PIEZO2: variants seen among roughly 807,000 people sequenced by gnomAD.
PIEZO2 encodes the protein piezo type mechanosensitive ion channel component 2, also known as piezo-type mechanosensitive ion channel component 2.
PIEZO2 carries 172 observed loss-of-function variants against 337.3 expected under a neutral mutation model. The observed-to-expected ratio is 0.51, with a 90% CI of 0.45 to 0.58. The LOEUF (loss-of-function observed/expected upper bound fraction) is 0.58. PIEZO2 is among the 20% of genes least tolerant of loss of function. The pLI, the probability that PIEZO2 is intolerant of heterozygous loss-of-function variation, is 0.00. For synonymous variants in PIEZO2, 1,251 were observed against 1,228.5 expected (o/e 1.02, Z -0.38); for missense variants, 3,028 against 3,391.3 (o/e 0.89, Z 2.66).
intron 1 of PIEZO2, among the ~76,000 whole-genome samples, chr18:11,100,437 A>T (rs1024936926): frequency 8.5e-5 from 13 of 152,236 alleles, no homozygotes; most frequent in African/African-American, 3.1e-4. Flanking sequence ...AAGATCTAAC[A>T]GGCTGGAACT....
At chr18:10,721,650 C>A (rs2036315689) in intron 36 of PIEZO2, among the ~76,000 whole-genome samples, 1 of 151,888 alleles carries the variant, frequency 6.6e-6, no homozygotes, top group Non-Finnish European at 1.5e-5. Flanking sequence ...CTAGACTCAA[C>A]AGTATGTGGC....
rs188372054 is a variant in PIEZO2 at position 10,962,061 on chromosome 18, C to T, written c.286+17474G>A. On this transcript the variant is annotated intron_variant, in intron 3 of 55. Transcript: ENST00000674853. This position sits in a 1 kb window ranked among gnomAD's most constrained non-coding sequence, Gnocchi z 4.1. The stretch of plus-strand genomic sequence containing the variant: ...AGAAATGCACCACTGATTCTCGCAA[C>T]GTTCAGTTTTTTTTTCCAAGCAGAC... Among the ~76,000 whole-genome samples, 5 of 151,538 alleles carry T rather than the reference C, an allele frequency of 3.3e-5. No homozygotes were observed. The highest frequency in any genetic ancestry group is 9.8e-5 in the African/African-American group (4 of 40,928).
chr18:10,886,487 C>CATAT, intron 4 of PIEZO2, among the ~76,000 whole-genome samples: 4 of 45,882 alleles, frequency 8.7e-5, no homozygotes, highest in Middle Eastern at 0.015. Flanking sequence ...ATATCCAAAC[C>CATAT]ATATATATAT....
intron 4 of PIEZO2, among the ~76,000 whole-genome samples, chr18:10,901,667 T>C (rs1345569472): frequency 1.3e-5 from 2 of 152,172 alleles, no homozygotes; most frequent in Non-Finnish European, 2.9e-5. Context: ...CTTTAGAGCA[T>C]TGTGGAGTTT....
intron 18 of PIEZO2, 132 bp from the exon 19 acceptor site, chr18:10,774,170 C>G: frequency 1.5e-6 from 1 of 649,474 alleles, no homozygotes; most frequent in Non-Finnish European, 2.8e-6. Context: ...TGCAGTAACG[C>G]CCTAATGCCA....
rs1045706596 is a variant in PIEZO2, at chr18:11,110,707, C to A, written c.64+37818G>T. 1.3e-5 allele frequency among the ~76,000 whole-genome samples: 2 copies of A among 149,042 alleles called. No homozygotes were observed. Among genetic ancestry groups the A allele is most frequent in the African/African-American group, 5.0e-5 (2 of 40,346 alleles). ...TCCTTTCCGCCCCTCCCCGCCCCGG[C>A]CCGCCCGCCCCGGGTCTTGTGCTTC... On this transcript the variant is annotated intron_variant, in intron 1 of 55. Transcript: ENST00000674853. This position sits in a 1 kb window ranked among gnomAD's most constrained non-coding sequence, Gnocchi z 4.2.
chr18:10,802,571 G>A (rs1019992705), intron 9 of PIEZO2, among the ~76,000 whole-genome samples: 3 of 152,060 alleles, frequency 2.0e-5, no homozygotes, highest in East Asian at 1.9e-4. Flanking sequence ...AAAGACAACC[G>A]GATTTTCACA....
chr18:10,854,039 C>G lies in PIEZO2; in HGVS notation c.917+1314G>C, dbSNP rs1217038440. On this transcript the variant is annotated intron_variant, in intron 7 of 55. Coordinates refer to ENST00000674853, the MANE Select transcript of PIEZO2 (RefSeq NM_001378183.1). This position sits in a 1 kb window ranked among gnomAD's most constrained non-coding sequence, Gnocchi z 4.6. The stretch of plus-strand genomic sequence containing the variant: ...CTGAACTAGACAGTTGCTGCCTCCA[C>G]TCTCTATGCAGGCCTCTTTTCCATG... Among the ~76,000 whole-genome samples, 1 of 152,142 alleles carries G rather than the reference C, an allele frequency of 6.6e-6. No homozygotes were observed. The highest frequency in any genetic ancestry group is 1.5e-5 in the Non-Finnish European group (1 of 68,014).
intron 4 of PIEZO2, among the ~76,000 whole-genome samples, chr18:10,910,127 A>G (rs770431801): frequency 6.6e-6 from 1 of 152,228 alleles, no homozygotes; most frequent in East Asian, 1.9e-4. Flanking sequence ...ATATGGTAAA[A>G]AGAACTAGTC....
chr18:10,738,363 A>C (rs1391601893), intron 33 of PIEZO2: 2 of 152,224 alleles, frequency 1.3e-5, no homozygotes, highest in African/African-American at 4.8e-5. Flanking sequence ...TACCTTCGAT[A>C]ACTTTTATTC....
chr18:10,933,139 A>G (rs2032189666), intron 3 of PIEZO2, among the ~76,000 whole-genome samples: 2 of 152,172 alleles, frequency 1.3e-5, no homozygotes, highest in Admixed American at 1.3e-4. Context: ...AACTGTAACC[A>G]GGGACAAGGC....
At chr18:10,816,183 C>T (rs2040358994) in intron 7 of PIEZO2, among the ~76,000 whole-genome samples, 1 of 152,218 alleles carries the variant, frequency 6.6e-6, no homozygotes, top group Non-Finnish European at 1.5e-5. Flanking sequence ...TCTCCATCCC[C>T]AGACCCACCT....
chr18:10,786,968 A>G (rs1457195666), intron 16 of PIEZO2, 68 bp downstream of exon 16: 1 of 1,390,538 alleles, frequency 7.2e-7, no homozygotes, highest in Non-Finnish European at 9.7e-7. Context: ...ATCTTCCTTA[A>G]AGATGCTTTG....
chr18:10,681,841 A>C, intron 50 of PIEZO2, 88 bp from the exon 51 acceptor site: 1 of 1,164,416 alleles, frequency 8.6e-7, no homozygotes, highest in Non-Finnish European at 1.3e-6. Context: ...GTAGGATATC[A>C]GCCCATTTAT....
chr18:10,950,978 A>T (rs1027171313), intron 3 of PIEZO2, among the ~76,000 whole-genome samples: 1 of 152,220 alleles, frequency 6.6e-6, no homozygotes, highest in Non-Finnish European at 1.5e-5. Flanking sequence ...AAATTGGGTC[A>T]TTCTTGTTAT....
At chr18:10,987,676 C>T (rs1365833158) in intron 2 of PIEZO2, among the ~76,000 whole-genome samples, 2 of 151,932 alleles carry the variant, frequency 1.3e-5, no homozygotes, top group Non-Finnish European at 2.9e-5. Flanking sequence ...GCACAGGCAA[C>T]AGAAGCAAAA....
At chr18:10,904,491 G>A (rs2043126933) in intron 4 of PIEZO2, among the ~76,000 whole-genome samples, 1 of 152,234 alleles carries the variant, frequency 6.6e-6, no homozygotes. Flanking sequence ...TGTGTGTGAT[G>A]TGTGGCTTAG....
intron 1 of PIEZO2, among the ~76,000 whole-genome samples, chr18:11,071,493 C>T (rs1317423102): frequency 6.6e-6 from 1 of 152,206 alleles, no homozygotes; most frequent in Non-Finnish European, 1.5e-5. Context: ...CCTTTGGGAG[C>T]TGACGTTCTG....
Position 11,061,621 on chromosome 18 carries a change from C to G in PIEZO2, c.160+4506G>C, listed in dbSNP as rs1358706206. ...TTCTTATACACCAAAAACAGACAAA[C>G]AGAGAGCCAAATCATGAGTGAACTC... On this transcript the variant is annotated intron_variant, in intron 2 of 55. Coordinates refer to ENST00000674853, the MANE Select transcript of PIEZO2 (RefSeq NM_001378183.1). 1.1e-3 allele frequency among the ~76,000 whole-genome samples: 173 copies of G among 151,976 alleles called. 1 individual carries two copies. Among genetic ancestry groups the G allele is most frequent in the Admixed American group, 3.7e-3 (56 of 15,256 alleles).
Sources: allele counts gnomAD v4.1 joint callset (sites outside exome capture counted in the v4.1 genomes callset), GRCh38; gene constraint gnomAD v4.1.1; non-coding constraint Gnocchi (gnomAD v3.1); transcripts MANE v1.5; gene names NCBI Gene and HGNC (gene_info 2026-07-23, HGNC 2026-07-21).